CAMTA1: variants seen among roughly 807,000 people sequenced by gnomAD.
CAMTA1 encodes calmodulin binding transcription activator 1.
Under a neutral mutation model 170.9 loss-of-function variants are expected in CAMTA1, and 27 were observed. The ratio of observed to expected loss-of-function variants is 0.16; its 90% CI spans 0.12 to 0.22. The LOEUF (loss-of-function observed/expected upper bound fraction) is 0.22. CAMTA1 is among the 10% of genes least tolerant of loss of function. The pLI, the probability that CAMTA1 is intolerant of heterozygous loss-of-function variation, is 1.00. For missense variants in CAMTA1, 1,619 were observed against 2,217.2 expected (o/e 0.73, Z 5.42); for synonymous variants, 833 against 891.5 (o/e 0.93, Z 1.17).
Position 6,995,295 on chromosome 1 carries a change from C to CTTTTTTTTTTTTTTTTTT in CAMTA1, c.235-96002_235-95985dup, listed in dbSNP as rs765139922. 5.8e-4 allele frequency among the ~76,000 whole-genome samples: 35 copies of CTTTTTTTTTTTTTTTTTT among 60,622 alleles called. 4 individuals are homozygous for CTTTTTTTTTTTTTTTTTT. Among genetic ancestry groups the CTTTTTTTTTTTTTTTTTT allele is most frequent in the East Asian group, 1.1e-3 (2 of 1,786 alleles). The allele number at this position is 60,622 out of a possible 152,430, so 39.8% of individuals were successfully genotyped here. On this transcript the variant is annotated intron_variant, in intron 3 of 22. Transcript: ENST00000303635. ...TCCTTTAAAATCTTTTTTTTCTTTT[C>CTTTTTTTTTTTTTTTTTT]TTTTTTTTTTTTTTTTTTTTTTTTG...
At chr1:6,886,465 T>C (rs1036590995) in intron 3 of CAMTA1, 4 of 364,078 alleles carry the variant, frequency 1.1e-5, no homozygotes, top group African/African-American at 8.5e-5. Flanking sequence ...CGTGCTTTCC[T>C]TGTAAGAAGC....
At chr1:7,296,389 G>T (rs926827790) in intron 5 of CAMTA1, among the ~76,000 whole-genome samples, 2 of 152,210 alleles carry the variant, frequency 1.3e-5, no homozygotes, top group East Asian at 3.9e-4. Flanking sequence ...GTGGACCATT[G>T]CTCTGCCTTT....
intron 5 of CAMTA1, chr1:7,389,421 A>C: frequency 6.6e-6 from 1 of 152,296 alleles, no homozygotes; most frequent in East Asian, 1.9e-4. Flanking sequence ...TGTGAACACG[A>C]CCCTGTCCCC....
At chr1:7,287,610 A>T (rs374157599) in intron 5 of CAMTA1, among the ~76,000 whole-genome samples, 7 of 152,220 alleles carry the variant, frequency 4.6e-5, no homozygotes, top group African/African-American at 1.7e-4. Context: ...ATCACCACTG[A>T]TATTTTTACA....
chr1:7,211,699 C>T (rs1304419391), intron 4 of CAMTA1, among the ~76,000 whole-genome samples: 2 of 152,218 alleles, frequency 1.3e-5, no homozygotes, highest in Non-Finnish European at 2.9e-5. Flanking sequence ...TGAGCCCCGG[C>T]TCCTTTCAGC....
At chr1:6,853,385 G>T (rs1306709081) in intron 3 of CAMTA1, among the ~76,000 whole-genome samples, 6 of 152,124 alleles carry the variant, frequency 3.9e-5, no homozygotes, top group African/African-American at 1.4e-4. Context: ...GACACATGTT[G>T]TAATCTCTAA....
chr1:7,714,512 A>AT (rs2149702385), intron 11 of CAMTA1, among the ~76,000 whole-genome samples: 1 of 152,244 alleles, frequency 6.6e-6, no homozygotes, highest in East Asian at 1.9e-4. Context: ...GTTGAAATCT[A>AT]TTAAATCACA....
intron 5 of CAMTA1, among the ~76,000 whole-genome samples, chr1:7,412,476 T>C (rs2090849034): frequency 6.6e-6 from 1 of 152,292 alleles, no homozygotes; most frequent in Non-Finnish European, 1.5e-5. Context: ...TGGTATCTCA[T>C]TGTGGTTTTG....
chr1:7,655,688 TACAC>T (rs775140289), intron 7 of CAMTA1, among the ~76,000 whole-genome samples: 3 of 148,824 alleles, frequency 2.0e-5, no homozygotes, highest in Non-Finnish European at 4.5e-5. Flanking sequence ...TACACACCTA[TACAC>T]ACACACCTAT....
intron 7 of CAMTA1, among the ~76,000 whole-genome samples, chr1:7,650,680 C>T (rs924480513): frequency 2.0e-5 from 3 of 149,614 alleles, no homozygotes; most frequent in South Asian, 2.2e-4. Flanking sequence ...ACGGTGGGCG[C>T]ACACTCCATC....
rs983065924 is a variant in CAMTA1 at position 7,673,718 on chromosome 1, G to C, written c.2779+2681G>C. On this transcript the variant is annotated intron_variant, in intron 10 of 22. Transcript: ENST00000303635. The surrounding 1 kb of genome is among the most constrained non-coding windows in gnomAD (Gnocchi z 4.6). ...GTCTTCAGCTAACTCCACAAAGGGG[G>C]CCTCCTTTGGACATCTCTGCTTTGA... is the stretch of plus-strand genomic sequence containing the variant. Among the ~76,000 whole-genome samples, 1 of 152,232 alleles carries C rather than the reference G, an allele frequency of 6.6e-6. No homozygotes were observed. The highest frequency in any genetic ancestry group is 2.4e-5 in the African/African-American group (1 of 41,466).
intron 16 of CAMTA1, among the ~76,000 whole-genome samples, chr1:7,739,583 C>T (rs1019942623): frequency 6.6e-6 from 1 of 152,130 alleles, no homozygotes; most frequent in East Asian, 1.9e-4. Context: ...TTGGGGAGGC[C>T]TCACAATCAT....
rs761669406 is a variant in CAMTA1 at position 7,744,902 on chromosome 1, T to G, written c.4250T>G (p.Phe1417Cys). 1.2e-6 allele frequency: 2 copies of G among 1,614,074 alleles called. No individual in the cohort carries two copies. The highest frequency in any genetic ancestry group is 2.2e-5 in the South Asian group (2 of 91,080). ...ATPDRIKQEN[F>C]VPMESSGLER... The stretch of plus-strand genomic sequence containing the variant: ...CCTGACCGAATCAAGCAGGAGAATT[T>G]TGTGCCCATGGAGTCCTCAGGATTG... Residue 1417 changes from phenylalanine (F) to cysteine (C), a missense_variant, in exon 17 of 23, where the codon TTT (phenylalanine) becomes TGT (cysteine). By Grantham distance (205) the Phe-to-Cys change is radical (BLOSUM62 -2). Transcript: ENST00000303635.
At chr1:6,936,278 C>G (rs767705174) in intron 3 of CAMTA1, among the ~76,000 whole-genome samples, 1 of 152,226 alleles carries the variant, frequency 6.6e-6, no homozygotes, top group Non-Finnish European at 1.5e-5. Context: ...TATATCTCTT[C>G]TTATCAGGAG....
chr1:7,574,482 A>G (rs1332932609), intron 6 of CAMTA1, among the ~76,000 whole-genome samples: 2 of 152,098 alleles, frequency 1.3e-5, no homozygotes, highest in Non-Finnish European at 2.9e-5. Context: ...TGGAAAAATA[A>G]ATTACCTGAG....
At chr1:7,099,269 T>C (rs1243339357) in intron 4 of CAMTA1, among the ~76,000 whole-genome samples, 1 of 152,196 alleles carries the variant, frequency 6.6e-6, no homozygotes, top group Non-Finnish European at 1.5e-5. Flanking sequence ...CAGGCTGCTC[T>C]CGAACTCATG....
intron 11 of CAMTA1, among the ~76,000 whole-genome samples, chr1:7,715,894 T>G (rs1236363620): frequency 6.6e-6 from 1 of 152,238 alleles, no homozygotes. Flanking sequence ...GCTTAATGAC[T>G]AAAAATTTTC....
At chr1:7,276,008 G>A (rs1670533748) in intron 5 of CAMTA1, among the ~76,000 whole-genome samples, 1 of 151,594 alleles carries the variant, frequency 6.6e-6, no homozygotes, top group African/African-American at 2.4e-5. Context: ...ATTAGCAAAT[G>A]GAATGCAGCT....
chr1:7,183,738 G>T (rs1015944435), intron 4 of CAMTA1, among the ~76,000 whole-genome samples: 1 of 152,130 alleles, frequency 6.6e-6, no homozygotes, highest in Non-Finnish European at 1.5e-5. Flanking sequence ...AGCATCTGTG[G>T]GTGGGAGTAG....
Sources: allele counts gnomAD v4.1 joint callset (sites outside exome capture counted in the v4.1 genomes callset), GRCh38; gene constraint gnomAD v4.1.1; non-coding constraint Gnocchi (gnomAD v3.1); transcripts MANE v1.5; gene names NCBI Gene and HGNC (gene_info 2026-07-23, HGNC 2026-07-21).